ERC2: variants seen among roughly 807,000 people sequenced by gnomAD.
ERC2 encodes ELKS/RAB6-interacting/CAST family member 2, also known as ERC protein 2.
ERC2 carries 42 observed loss-of-function variants against 114.8 expected under a neutral mutation model. That is an observed-to-expected ratio of 0.37 (90% CI 0.29 to 0.47). The LOEUF (loss-of-function observed/expected upper bound fraction) is 0.47. Ranked by LOEUF, ERC2 falls within the 20% of genes least tolerant of loss-of-function variation. The pLI is 0.99. For synonymous variants in ERC2, 454 were observed against 425.5 expected (o/e 1.07, Z -0.82); for missense variants, 939 against 1,150.7 (o/e 0.82, Z 2.66).
intron 14 of ERC2, among the ~76,000 whole-genome samples, chr3:55,773,766 AG>A (rs779895577): frequency 9.2e-5 from 14 of 152,236 alleles, no homozygotes; most frequent in Non-Finnish European, 1.0e-4. Flanking sequence ...TTCCTGGGAA[AG>A]GCTATTTTGG....
chr3:55,946,464 T>C (rs937606133), intron 13 of ERC2, among the ~76,000 whole-genome samples: 8 of 152,238 alleles, frequency 5.3e-5, no homozygotes, highest in Admixed American at 3.3e-4. Context: ...ATTTGTTGGT[T>C]GATACTCCCA....
chr3:55,718,449 T>G (rs1463229600), intron 15 of ERC2, among the ~76,000 whole-genome samples: 4 of 152,132 alleles, frequency 2.6e-5, no homozygotes, highest in African/African-American at 9.7e-5. Flanking sequence ...TATCCAACAA[T>G]GGCTTACAAG....
At chr3:56,009,953 A>G (rs983027170) in intron 9 of ERC2, among the ~76,000 whole-genome samples, 1 of 152,220 alleles carries the variant, frequency 6.6e-6, no homozygotes, top group Admixed American at 6.5e-5. Flanking sequence ...AAGAGCAGCC[A>G]CACTTAAGCT....
intron 7 of ERC2, among the ~76,000 whole-genome samples, chr3:56,038,007 C>A (rs1317696025): frequency 6.6e-6 from 1 of 152,114 alleles, no homozygotes; most frequent in Non-Finnish European, 1.5e-5. Flanking sequence ...AGAAGAAAAT[C>A]TAAGCAATAC....
chr3:56,042,483 G>A (rs2075246831), intron 7 of ERC2, among the ~76,000 whole-genome samples: 1 of 152,106 alleles, frequency 6.6e-6, no homozygotes, highest in Non-Finnish European at 1.5e-5. Context: ...ATAAGGCTTG[G>A]CTCATATACC....
chr3:55,791,516 C>CA (rs2070021526), intron 14 of ERC2, among the ~76,000 whole-genome samples: 1 of 152,110 alleles, frequency 6.6e-6, no homozygotes. Context: ...TTCTAAAACT[C>CA]AAACACATGT....
chr3:55,692,695 A>C (rs2062727330), intron 16 of ERC2, among the ~76,000 whole-genome samples: 1 of 152,150 alleles, frequency 6.6e-6, no homozygotes, highest in Non-Finnish European at 1.5e-5. Context: ...TCTCAAAACC[A>C]AGGCAGTGAG....
At chr3:55,933,458 T>A (rs1423825178) in intron 13 of ERC2, among the ~76,000 whole-genome samples, 1 of 152,260 alleles carries the variant, frequency 6.6e-6, no homozygotes, top group African/African-American at 2.4e-5. Context: ...GATACCTGTA[T>A]GCACTTAAAC....
At chr3:55,612,657 G>C (rs900692702) in intron 17 of ERC2, 1 of 152,156 alleles carries the variant, frequency 6.6e-6, no homozygotes, top group African/African-American at 2.4e-5. Context: ...TTAAGCAACA[G>C]TTGGCATAAA....
intron 3 of ERC2, among the ~76,000 whole-genome samples, chr3:56,285,017 A>T (rs1336087182): frequency 9.0e-4 from 115 of 127,544 alleles, no homozygotes; most frequent in African/African-American, 3.3e-3. Context: ...TCTCTCACAC[A>T]CACACACACA....
At chr3:56,338,385 G>GAC (rs2057946203) in intron 2 of ERC2, among the ~76,000 whole-genome samples, 2 of 152,172 alleles carry the variant, frequency 1.3e-5, no homozygotes, top group African/African-American at 4.8e-5. Flanking sequence ...AGAGAACTGT[G>GAC]GTCTATGCAG....
At chr3:55,886,823 T>C (rs1490466627) in intron 14 of ERC2, among the ~76,000 whole-genome samples, 1 of 152,234 alleles carries the variant, frequency 6.6e-6, no homozygotes, top group Non-Finnish European at 1.5e-5. Flanking sequence ...TGTTAATAAA[T>C]TATTGATGAA....
intron 17 of ERC2, among the ~76,000 whole-genome samples, chr3:55,534,996 C>G (rs1242572841): frequency 6.6e-6 from 1 of 152,180 alleles, no homozygotes; most frequent in Admixed American, 6.5e-5. Context: ...GCTGAAACAG[C>G]CAGGGACACA....
chr3:56,118,666 T>G (rs1216141781), intron 6 of ERC2, among the ~76,000 whole-genome samples: 3 of 148,662 alleles, frequency 2.0e-5, no homozygotes, highest in Non-Finnish European at 4.5e-5. Flanking sequence ...AGACAGAGTC[T>G]TGCTCTGTCG....
chr3:56,425,727 G>T (rs113250675), intron 2 of ERC2, among the ~76,000 whole-genome samples: 11 of 152,180 alleles, frequency 7.2e-5, no homozygotes, highest in African/African-American at 1.9e-4. Context: ...TTGTTGGGGT[G>T]GGGGGAGGTT....
At chr3:56,266,744 T>A (rs2053335050) in intron 3 of ERC2, among the ~76,000 whole-genome samples, 1 of 152,004 alleles carries the variant, frequency 6.6e-6, no homozygotes, top group Non-Finnish European at 1.5e-5. Context: ...AATAAATAAA[T>A]AAGCAAACAA....
At chr3:56,009,460 A>G (rs13090445) in intron 9 of ERC2, among the ~76,000 whole-genome samples, 1 of 152,160 alleles carries the variant, frequency 6.6e-6, no homozygotes, top group Non-Finnish European at 1.5e-5. Context: ...CTTCATCTAG[A>G]TTCCTAATTT....
intron 10 of ERC2, among the ~76,000 whole-genome samples, chr3:55,998,251 TCA>T (rs775513262): frequency 6.6e-6 from 1 of 151,268 alleles, no homozygotes; most frequent in Non-Finnish European, 1.5e-5. Context: ...TCTCTCTCTC[TCA>T]CACACACACA....
intron 2 of ERC2, among the ~76,000 whole-genome samples, chr3:56,407,016 T>G (rs1432647826): frequency 2.0e-5 from 3 of 152,166 alleles, no homozygotes; most frequent in African/African-American, 7.2e-5. Context: ...CTTGGAAATT[T>G]TCCTGGAGGC....
Sources: gnomAD v4.1 joint callset for allele counts (sites outside exome capture counted in the v4.1 genomes callset) on GRCh38, gnomAD v4.1.1 for gene constraint, MANE v1.5 for transcripts, NCBI Gene and HGNC (gene_info 2026-07-23, HGNC 2026-07-21) for gene names.